The following GRIK3 variants were observed in gnomAD, a reference collection of about 807,000 sequenced individuals.
GRIK3 encodes glutamate receptor ionotropic, kainate 3.
GRIK3 carries 29 observed loss-of-function variants against 102.5 expected under a neutral mutation model. That is an observed-to-expected ratio of 0.28 (90% CI 0.21 to 0.39). GRIK3 has a LOEUF of 0.39. GRIK3 is among the 10% of genes least tolerant of loss of function. The pLI is 1.00. For missense variants in GRIK3, 908 were observed against 1,252.4 expected, an observed-to-expected ratio of 0.73 and a Z score of 4.15; for synonymous variants, 511 against 504.9, an observed-to-expected ratio of 1.01 and a Z score of -0.16.
At chr1:36,975,560 C>T (rs1384749558) in intron 1 of GRIK3, among the ~76,000 whole-genome samples, 2 of 152,040 alleles carry the variant, frequency 1.3e-5, no homozygotes, top group African/African-American at 4.8e-5. Flanking sequence ...CCCAAAGTGC[C>T]GGGATTATAG....
chr1:36,981,333 G>A (rs766000147), intron 1 of GRIK3, among the ~76,000 whole-genome samples: 3 of 152,204 alleles, frequency 2.0e-5, no homozygotes, highest in Non-Finnish European at 4.4e-5. Flanking sequence ...CTGGGAGGGT[G>A]AGTGGGTCAC....
At chr1:36,836,815 G>T (rs1051455927) in intron 10 of GRIK3, among the ~76,000 whole-genome samples, 2 of 152,132 alleles carry the variant, frequency 1.3e-5, no homozygotes, top group Non-Finnish European at 2.9e-5. Flanking sequence ...GCAGGGGGCT[G>T]GGAGAGCAGC....
intron 1 of GRIK3, among the ~76,000 whole-genome samples, chr1:37,004,610 G>C (rs1019783921): frequency 6.6e-6 from 1 of 152,194 alleles, no homozygotes; most frequent in Non-Finnish European, 1.5e-5. Context: ...CCATGGCAGG[G>C]AGGGACATCA....
chr1:36,997,429 T>A (rs528186182), intron 1 of GRIK3, among the ~76,000 whole-genome samples: 1 of 152,314 alleles, frequency 6.6e-6, no homozygotes, highest in African/African-American at 2.4e-5. Context: ...CACTCGCAGT[T>A]GTTAAATCAA....
At chr1:36,940,012 G>T (rs544759223) in intron 1 of GRIK3, among the ~76,000 whole-genome samples, 1 of 152,294 alleles carries the variant, frequency 6.6e-6, no homozygotes, top group South Asian at 2.1e-4. Context: ...TCGGAGCTGG[G>T]TACACAGCTG....
chr1:36,914,582 G>C (rs1410079364), intron 1 of GRIK3, among the ~76,000 whole-genome samples: 5 of 152,172 alleles, frequency 3.3e-5, no homozygotes, highest in African/African-American at 9.7e-5. Context: ...CTGCCTCTGA[G>C]GTGTGAGCTA....
intron 1 of GRIK3, among the ~76,000 whole-genome samples, chr1:37,000,437 G>A (rs886516235): frequency 6.6e-6 from 1 of 152,086 alleles, no homozygotes; most frequent in African/African-American, 2.4e-5. Flanking sequence ...TGACAGAGGG[G>A]GAAAATGAAG....
At chr1:36,802,086 G>A in intron 15 of GRIK3, 41 bp from the exon 16 acceptor site, 1 of 1,434,058 alleles carries the variant, frequency 7.0e-7, no homozygotes, top group Non-Finnish European at 9.6e-7. Context: ...AAGGGGCACA[G>A]AGTGATGCCC....
chr1:36,890,961 T>C lies in GRIK3; in HGVS notation c.251A>G (p.Gln84Arg), dbSNP rs1266493973. The change falls in exon 2 of 16, where the codon CAG becomes CGG. Residue 84 changes from glutamine to arginine, a missense_variant. Physicochemically the swap from Gln to Arg is conservative, Grantham distance 43. Transcript: ENST00000373091. ...GAAGCTGTCATGGAAGTGAATCCTC[T>C]GTATGTCATAGGTCAAGGTTGTGTT... The part of the protein sequence containing the change: ...LPNTTLTYDI[Q>R]RIHFHDSFEA... 3 of 1,613,570 alleles carry C rather than the reference T, an allele frequency of 1.9e-6. No individual in the cohort carries two copies. The highest frequency in any genetic ancestry group is 2.5e-6 in the Non-Finnish European group (3 of 1,179,726).
rs822857 is a variant in GRIK3, at chr1:36,974,665, T to C, written c.115+59329A>G. On this transcript the variant is annotated intron_variant, in intron 1 of 15. Coordinates refer to ENST00000373091, the MANE Select transcript of GRIK3 (RefSeq NM_000831.4). ...TACAAAAAAAATTAGCCGGGCGTGGTGGTGGGCGCCTGTAGTCCGAGCCAA... is the reference window on the plus strand; with the variant it reads ...TACAAAAAAAATTAGCCGGGCGTGGCGGTGGGCGCCTGTAGTCCGAGCCAA... Among the ~76,000 whole-genome samples, 384 of 151,146 alleles carry C rather than the reference T, an allele frequency of 2.5e-3. 3 individuals are homozygous for C. Among genetic ancestry groups the C allele is most frequent in the African/African-American group, 8.8e-3 (362 of 41,124 alleles).
At chr1:36,871,408 G>A (rs935380294) in intron 4 of GRIK3, among the ~76,000 whole-genome samples, 1 of 152,234 alleles carries the variant, frequency 6.6e-6, no homozygotes, top group African/African-American at 2.4e-5. Flanking sequence ...TGGACCCTGA[G>A]GGGTCATGTG....
chr1:36,984,198 T>G (rs1193971385), intron 1 of GRIK3, among the ~76,000 whole-genome samples: 2 of 151,218 alleles, frequency 1.3e-5, no homozygotes, highest in African/African-American at 4.9e-5. Flanking sequence ...ACTCACACGT[T>G]TGCACACACA....
chr1:36,797,536 T>C lies in GRIK3; in HGVS notation c.*4315A>G, dbSNP rs1557683826. ...GTCCACTTGACCTGCAACTTTCAGA[T>C]GTGTCTAATCCAGAGACCTGCCCAC... On this transcript the variant is annotated 3_prime_UTR_variant, in exon 16 of 16. Coordinates refer to ENST00000373091, the MANE Select transcript of GRIK3 (RefSeq NM_000831.4). 6.6e-6 allele frequency: 1 copy of C among 152,166 alleles called. No homozygotes were observed. Among genetic ancestry groups the C allele is most frequent in the Non-Finnish European group, 1.5e-5 (1 of 68,044 alleles). 9.4% of individuals were successfully genotyped at this position (152,166 alleles called of 1,614,324 possible).
At chr1:36,925,278 A>G (rs1289739690) in intron 1 of GRIK3, among the ~76,000 whole-genome samples, 1 of 152,182 alleles carries the variant, frequency 6.6e-6, no homozygotes, top group Non-Finnish European at 1.5e-5. Flanking sequence ...GCAGACACAC[A>G]CGGCACACAC....
chr1:36,805,936 C>CAAAAA (rs749853809), intron 14 of GRIK3, among the ~76,000 whole-genome samples, 168 bp downstream of exon 14: 310 of 28,300 alleles, frequency 0.011, no homozygotes, highest in Non-Finnish European at 0.014. Context: ...AACTCCACCT[C>CAAAAA]AAAAAAAAAA....
chr1:36,888,953 T>C (rs983625421), intron 2 of GRIK3, among the ~76,000 whole-genome samples: 2 of 152,024 alleles, frequency 1.3e-5, no homozygotes, highest in Admixed American at 6.5e-5. Flanking sequence ...GGAACAATGT[T>C]CGTTAAGTGG....
chr1:36,866,408 T>C (rs1178435777), intron 5 of GRIK3, among the ~76,000 whole-genome samples: 1 of 152,222 alleles, frequency 6.6e-6, no homozygotes, highest in Non-Finnish European at 1.5e-5. Flanking sequence ...GAAAAAATCC[T>C]TGCTCTGCTC....
intron 1 of GRIK3, among the ~76,000 whole-genome samples, chr1:36,897,107 T>G (rs1258293651): frequency 6.6e-6 from 1 of 152,214 alleles, no homozygotes; most frequent in Non-Finnish European, 1.5e-5. Flanking sequence ...ATGTTCACTT[T>G]CACCACTTCT....
chr1:36,834,440 C>T (rs1480543984), intron 10 of GRIK3, among the ~76,000 whole-genome samples: 2 of 152,286 alleles, frequency 1.3e-5, no homozygotes, highest in Non-Finnish European at 2.9e-5. Context: ...CCTTGGAAAA[C>T]AGCACCATGA....
Sources: allele counts gnomAD v4.1 joint callset (sites outside exome capture counted in the v4.1 genomes callset), GRCh38; gene constraint gnomAD v4.1.1; transcripts MANE v1.5; gene names NCBI Gene and HGNC (gene_info 2026-07-23, HGNC 2026-07-21).